Variants in COL6A6 observed in about 807,000 individuals in gnomAD.
COL6A6 encodes collagen type VI alpha 6 chain.
Under a neutral mutation model 208.6 loss-of-function variants are expected in COL6A6, and 183 were observed. That is an observed-to-expected ratio of 0.88 (90% CI 0.78 to 0.99). The LOEUF (loss-of-function observed/expected upper bound fraction) is 0.99. Ranked by LOEUF, COL6A6 falls within the 50% of genes least tolerant of loss-of-function variation. The pLI is 0.00. For missense variants in COL6A6, 2,816 were observed against 2,815.2 expected (o/e 1.00, Z -0.01); for synonymous variants, 973 against 1,011.8 (o/e 0.96, Z 0.73).
intron 20 of COL6A6, among the ~76,000 whole-genome samples, chr3:130,603,019 C>T (rs560571473): frequency 2.6e-5 from 4 of 152,290 alleles, no homozygotes; most frequent in East Asian, 3.9e-4. Flanking sequence ...TTCCACTAAG[C>T]GGGTAAGTGA....
At chr3:130,642,545 C>T (rs2065346883) in intron 29 of COL6A6, among the ~76,000 whole-genome samples, 1 of 152,172 alleles carries the variant, frequency 6.6e-6, no homozygotes, top group African/African-American at 2.4e-5. Context: ...AGGTTGTCAG[C>T]TCCATCCTGG....
intron 11 of COL6A6, among the ~76,000 whole-genome samples, 187 bp downstream of exon 11, chr3:130,586,847 A>G (rs1455782523): frequency 6.6e-6 from 1 of 152,232 alleles, no homozygotes; most frequent in African/African-American, 2.4e-5. Context: ...AAGAGATGTC[A>G]AAGCATGTTT....
At chr3:130,542,904 T>A (rs1371331613) in intron 1 of COL6A6, among the ~76,000 whole-genome samples, 3 of 9,000 alleles carry the variant, frequency 3.3e-4, no homozygotes, top group Admixed American at 3.9e-3. Flanking sequence ...CACTCTTTTT[T>A]TTTTTTTTTT....
chr3:130,676,509 A>G lies in COL6A6; in HGVS notation c.*1112A>G, dbSNP rs1232367420. ...AATGTTCAGACCTTACCTCAGTCTA[A>G]GAGCTGGCTCCACAGTTGGTAGCAA... On this transcript the variant is annotated 3_prime_UTR_variant, in exon 37 of 37. Transcript: ENST00000358511. The G allele has an allele frequency of 1.3e-5, 2 of 152,254 alleles. No homozygotes were observed. The highest frequency in any genetic ancestry group is 4.8e-5 in the African/African-American group (2 of 41,460). 9.4% of individuals were successfully genotyped at this position (152,254 alleles called of 1,614,324 possible). A position where few individuals can be genotyped will look rare whatever the true frequency, so the allele number is the denominator to read the frequency against.
intron 11 of COL6A6, among the ~76,000 whole-genome samples, chr3:130,587,744 A>G (rs2063574888): frequency 6.6e-6 from 1 of 152,256 alleles, no homozygotes; most frequent in Admixed American, 6.5e-5. Flanking sequence ...TAAAATTCAT[A>G]TACACATAGG....
At chr3:130,634,052 TAAA>T (rs34137705) in intron 26 of COL6A6, among the ~76,000 whole-genome samples, 4 of 27,754 alleles carry the variant, frequency 1.4e-4, no homozygotes, top group African/African-American at 4.9e-4. Context: ...TAGAGTATAA[TAAA>T]AAAAAAAAAA....
At chr3:130,607,092 G>GA in intron 21 of COL6A6, 126 bp downstream of exon 21, 1 of 662,282 alleles carries the variant, frequency 1.5e-6, no homozygotes, top group South Asian at 3.5e-5. Flanking sequence ...ATAGAAAGCT[G>GA]AAAAAATTTT....
At chr3:130,599,915 C>T in intron 20 of COL6A6, 105 bp downstream of exon 20, 2 of 1,044,514 alleles carry the variant, frequency 1.9e-6, no homozygotes, top group South Asian at 1.3e-5. Context: ...CTGGAGCTCA[C>T]TACCTTGAGG....
chr3:130,617,394 G>T (rs2064565128), intron 23 of COL6A6, among the ~76,000 whole-genome samples: 1 of 152,176 alleles, frequency 6.6e-6, no homozygotes, highest in Admixed American at 6.5e-5. Flanking sequence ...GAGCGTATTT[G>T]GTTTTGCTGA....
At chr3:130,552,081 T>A (rs1577679013) in intron 1 of COL6A6, among the ~76,000 whole-genome samples, 1 of 152,304 alleles carries the variant, frequency 6.6e-6, no homozygotes, top group East Asian at 1.9e-4. Context: ...TTTTAGAGTA[T>A]GTGCCATGTG....
rs1480141768 is a variant in COL6A6 at position 130,661,744 on chromosome 3, G to C, written c.5938G>C (p.Glu1980Gln). 2 of 1,613,778 alleles carry C rather than the reference G, an allele frequency of 1.2e-6. No homozygotes were observed. The highest frequency in any genetic ancestry group is 1.7e-6 in the Non-Finnish European group (2 of 1,179,862). Residue 1980 changes from glutamate to glutamine, a missense_variant, in exon 35 of 37, where the codon GAA (glutamate) becomes CAA (glutamine). Transcript: ENST00000358511. Reference protein sequence around the residue: ...LDASRNMGSAEFEDIRAFLGA... With the variant: ...LDASRNMGSAQFEDIRAFLGA... ...TGCCTCCCGGAACATGGGAAGTGCTGAATTTGAAGACATAAGAGCCTTCCT... is the reference window on the plus strand; with the variant it reads ...TGCCTCCCGGAACATGGGAAGTGCTCAATTTGAAGACATAAGAGCCTTCCT...
rs563804664 is a variant in COL6A6, at chr3:130,529,287, TAAAA to T, written c.-32+11906_-32+11909del. ...ATGTACAAAAACACAGCAGGAAATG[TAAAA>T]AAAAAAAAAAAAAAAGCAGGAAGTG... On this transcript the variant is annotated intron_variant, in intron 1 of 36. Coordinates refer to ENST00000358511, the MANE Select transcript of COL6A6 (RefSeq NM_001102608.3). Among the ~76,000 whole-genome samples, 79 of 98,536 alleles carry T rather than the reference TAAAA, an allele frequency of 8.0e-4. 1 individual carries two copies. The South Asian group carries it at 0.01, about 13-fold the overall frequency. The allele number at this position is 98,536 out of a possible 152,430, so 64.6% of individuals were successfully genotyped here.
intron 20 of COL6A6, among the ~76,000 whole-genome samples, chr3:130,604,625 T>C (rs2064130007): frequency 6.6e-6 from 1 of 152,144 alleles, no homozygotes; most frequent in Admixed American, 6.5e-5. Flanking sequence ...ATAAACTAAC[T>C]AGGGTCAGGA....
chr3:130,573,348 A>G (rs1332780101), intron 7 of COL6A6, among the ~76,000 whole-genome samples: 1 of 152,180 alleles, frequency 6.6e-6, no homozygotes, highest in Non-Finnish European at 1.5e-5. Context: ...AGTTTTCCAT[A>G]GCGCTGGCCC....
In COL6A6 at chr3:130,608,879, AGATT is replaced by A. The variant is rs1560061359; in HGVS notation, c.4690-18_4690-15del. 3 of 1,602,018 alleles carry A rather than the reference AGATT, an allele frequency of 1.9e-6. No homozygotes were observed. In the Admixed American group the frequency reaches 5.1e-5, roughly 27 times the overall value. ...AAAATGTTCAGGAAACAGTGTTAAC[AGATT>A]GATTCTTTCTCGCCACAGGGAACAG... On this transcript the variant is annotated intron_variant, in intron 21 of 36. Transcript: ENST00000358511.
chr3:130,653,848 G>C (rs1459557054), intron 33 of COL6A6, among the ~76,000 whole-genome samples: 1 of 152,134 alleles, frequency 6.6e-6, no homozygotes, highest in Non-Finnish European at 1.5e-5. Flanking sequence ...TATTGGGTGA[G>C]AGTGCAGACC....
chr3:130,558,800 A>G (rs1346424616), intron 1 of COL6A6, among the ~76,000 whole-genome samples: 1 of 152,268 alleles, frequency 6.6e-6, no homozygotes, highest in Admixed American at 6.5e-5. Context: ...TATGAAAACA[A>G]GTACCAAAGT....
chr3:130,676,280 A>G lies in COL6A6; in HGVS notation c.*883A>G, dbSNP rs1163962084. ...CAAAACAGGATTAGCAGAGCTCTTA[A>G]AAACAGCCTTAAATACACACTGAGT... is the stretch of plus-strand genomic sequence containing the variant. On this transcript the variant is annotated 3_prime_UTR_variant, in exon 37 of 37. Coordinates refer to ENST00000358511, the MANE Select transcript of COL6A6 (RefSeq NM_001102608.3). The G allele has an allele frequency of 1.3e-5, 2 of 152,238 alleles. No individual in the cohort carries two copies. Among genetic ancestry groups the G allele is most frequent in the Non-Finnish European group, 2.9e-5 (2 of 68,040 alleles). 9.4% of individuals were successfully genotyped at this position (152,238 alleles called of 1,614,324 possible). A position where few individuals can be genotyped will look rare whatever the true frequency, so the allele number is the denominator to read the frequency against.
chr3:130,543,509 T>G (rs951526172), intron 1 of COL6A6, among the ~76,000 whole-genome samples: 2 of 152,204 alleles, frequency 1.3e-5, no homozygotes, highest in African/African-American at 2.4e-5. Context: ...ACAGTTACAC[T>G]TCCTTTTTTT....
Sources: gnomAD v4.1 joint callset for allele counts (sites outside exome capture counted in the v4.1 genomes callset) on GRCh38, gnomAD v4.1.1 for gene constraint, MANE v1.5 for transcripts, NCBI Gene and HGNC (gene_info 2026-07-23, HGNC 2026-07-21) for gene names.